The following XK variants were observed in gnomAD, a reference collection of about 807,000 sequenced individuals.
XK encodes X-linked Kx blood group antigen, Kell and VPS13A binding protein.
A neutral mutation model predicts 14.0 loss-of-function variants in XK; 2 were observed. That is an observed-to-expected ratio of 0.14 (90% CI 0.06 to 0.45). XK has a LOEUF of 0.45. Among genes scored for constraint, XK ranks in the 20% least tolerant of loss-of-function variants. The probability of loss-of-function intolerance (pLI) is 0.98; values close to 1 mark genes in which losing one functional copy is unlikely to be tolerated. For missense variants in XK, 235 were observed against 341.5 expected, an observed-to-expected ratio of 0.69 and a Z score of 2.46; for synonymous variants, 149 against 147.5, an observed-to-expected ratio of 1.01 and a Z score of -0.08.
At chrX:37,693,476 C>CGTGTGTGTGCGTGTGT (rs1927243120) in intron 1 of XK, among the ~76,000 whole-genome samples, 1 of 95,935 alleles carries the variant, frequency 1.0e-5, no homozygotes, top group Non-Finnish European at 2.1e-5. Context: ...TCTATCAATT[C>CGTGTGTGTGCGTGTGT]GTGTGTGTGT....
intron 2 of XK, among the ~76,000 whole-genome samples, chrX:37,718,758 G>A (rs956591726): frequency 5.4e-5 from 6 of 111,846 alleles, no homozygotes; most frequent in Non-Finnish European, 1.1e-4. Context: ...TGGAGTAGAT[G>A]TATAGTATCT....
At chrX:37,707,908 T>A (rs1927576252) in intron 2 of XK, among the ~76,000 whole-genome samples, 2 of 112,465 alleles carry the variant, frequency 1.8e-5, no homozygotes, top group Non-Finnish European at 3.8e-5. Context: ...CACTCCAGCC[T>A]GGGCACCATT....
At position 37,686,108 on chromosome X, in the gene XK, G is replaced by T; in HGVS notation, c.147G>T (p.Ala49=). ...TGCTTTTCTCGCTACTGCCTTGCGC[G>T]CTCGTGCAGCTCACGCTTCTCTTCG... is the stretch of plus-strand genomic sequence containing the variant. ...LTLLFSLLPC[A]LVQLTLLFVH... is the part of the protein sequence containing the mutation. The change falls in exon 1 of 3, where the codon GCG becomes GCT. Residue 49 remains alanine, a synonymous_variant. Transcript: ENST00000378616. 4.1e-6 allele frequency: 5 copies of T among 1,211,275 alleles called. No homozygotes were observed. The highest frequency in any genetic ancestry group is 2.3e-4 in the Middle Eastern group (1 of 4,337).
At position 37,727,181 on chromosome X, in the gene XK, G is replaced by A. The variant is rs782550852; in HGVS notation, c.509-455G>A. On this transcript the variant is annotated intron_variant, in intron 2 of 2. Transcript: ENST00000378616. ...CTGGGGAGGAAGATGTAAGGAGTGT[G>A]GAAGAAGAGAAATGAGGCAGGGAAG... Among the ~76,000 whole-genome samples the A allele has an allele frequency of 9.9e-5, 11 of 111,492 alleles. No homozygotes were observed. In the East Asian group the frequency reaches 1.7e-3, roughly 17 times the overall value.
intron 2 of XK, among the ~76,000 whole-genome samples, chrX:37,706,380 GA>G (rs1927526222): frequency 9.0e-6 from 1 of 110,574 alleles, no homozygotes; most frequent in Non-Finnish European, 1.9e-5. Context: ...TAAAGTCAGG[GA>G]AAAAAAGTGT....
At position 37,685,935 on chromosome X, in the gene XK, C is replaced by T. The variant is rs1485341796; in HGVS notation, c.-27C>T. The T allele has an allele frequency of 8.4e-7, 1 of 1,196,921 alleles. No homozygotes were observed. The highest frequency in any genetic ancestry group is 1.7e-5 in the African/African-American group (1 of 57,602). ...CACAGCCGCCGCCACTGCGTCCGTC[C>T]CCGGTGAGCGCCGCTGACGCGCGGA... On this transcript the variant is annotated 5_prime_UTR_variant, in exon 1 of 3. Coordinates refer to ENST00000378616, the MANE Select transcript of XK (RefSeq NM_021083.4).
chrX:37,690,052 G>A (rs1927173931), intron 1 of XK, among the ~76,000 whole-genome samples: 2 of 111,600 alleles, frequency 1.8e-5, no homozygotes, highest in East Asian at 2.8e-4. Context: ...AGAAGTTCCC[G>A]AAACCTTTCC....
chrX:37,709,154 T>C (rs144589114), intron 2 of XK, among the ~76,000 whole-genome samples: 4,834 of 111,903 alleles, frequency 0.043, 257 homozygotes, highest in African/African-American at 0.15. Flanking sequence ...GACCCAAAGA[T>C]AGAGCCTCTT....
intron 2 of XK, among the ~76,000 whole-genome samples, chrX:37,698,543 CAAAAAAAAAAAA>C (rs35497516): frequency 1.1e-4 from 3 of 27,003 alleles, no homozygotes; most frequent in East Asian, 2.4e-3. Flanking sequence ...GACCTTGCCT[CAAAAAAAAAAAA>C]AAAAAAAAAA....
chrX:37,687,696 C>T (rs1239795016), intron 1 of XK, among the ~76,000 whole-genome samples: 1 of 110,988 alleles, frequency 9.0e-6, no homozygotes, highest in Non-Finnish European at 1.9e-5. Flanking sequence ...GAAAACTGTT[C>T]CAGCTGACAC....
intron 1 of XK, 41 bp downstream of exon 1, chrX:37,686,247 C>G (rs782289705): frequency 2.5e-6 from 3 of 1,195,214 alleles, no homozygotes; most frequent in Non-Finnish European, 3.4e-6. Context: ...GCCGCAGCCT[C>G]GGTCCTGTAG....
At chrX:37,688,127 C>A (rs1336364271) in intron 1 of XK, among the ~76,000 whole-genome samples, 1 of 99,286 alleles carries the variant, frequency 1.0e-5, no homozygotes, top group Non-Finnish European at 2.0e-5. Flanking sequence ...GTGGCGCGAT[C>A]TCAGCTCACT....
intron 1 of XK, among the ~76,000 whole-genome samples, chrX:37,690,749 T>A (rs1927186208): frequency 8.9e-6 from 1 of 112,072 alleles, no homozygotes; most frequent in South Asian, 3.7e-4. Flanking sequence ...GTGTGAATCA[T>A]AAAATATTTA....
chrX:37,704,119 G>C (rs1927465443), intron 2 of XK, among the ~76,000 whole-genome samples: 1 of 112,205 alleles, frequency 8.9e-6, no homozygotes, highest in Non-Finnish European at 1.9e-5. Context: ...CCTAGTCTTT[G>C]AAGTACCTGA....
At chrX:37,722,738 A>G (rs1927903633) in intron 2 of XK, among the ~76,000 whole-genome samples, 1 of 112,027 alleles carries the variant, frequency 8.9e-6, no homozygotes, top group East Asian at 2.8e-4. Context: ...ATCATAATAC[A>G]GAAAACAACC....
chrX:37,699,601 TA>T (rs1202964878), intron 2 of XK, among the ~76,000 whole-genome samples: 1 of 112,379 alleles, frequency 8.9e-6, no homozygotes, highest in Non-Finnish European at 1.9e-5. Flanking sequence ...CAGAAGAATG[TA>T]AATGAGCTCA....
chrX:37,700,507 C>T (rs1727807719), intron 2 of XK, among the ~76,000 whole-genome samples: 1 of 112,069 alleles, frequency 8.9e-6, no homozygotes, highest in Admixed American at 9.4e-5. Flanking sequence ...GAAGCTATCC[C>T]ATAGAGAGCT....
chrX:37,687,363 G>A (rs1556440510), intron 1 of XK, among the ~76,000 whole-genome samples: 1 of 110,335 alleles, frequency 9.1e-6, no homozygotes, highest in Non-Finnish European at 1.9e-5. Context: ...CACCTCCTGG[G>A]CACAAGTGAT....
intron 2 of XK, among the ~76,000 whole-genome samples, chrX:37,697,287 A>G (rs1556442625): frequency 8.9e-6 from 1 of 112,267 alleles, no homozygotes; most frequent in African/African-American, 3.2e-5. Flanking sequence ...AGGTGATTTT[A>G]TTATCAGCAA....
Sources: allele counts gnomAD v4.1 joint callset (sites outside exome capture counted in the v4.1 genomes callset), GRCh38; gene constraint gnomAD v4.1.1; transcripts MANE v1.5; gene names NCBI Gene and HGNC (gene_info 2026-07-23, HGNC 2026-07-21).